The following ERG variants were observed in gnomAD, a reference collection of about 807,000 sequenced individuals.
ERG encodes the protein ETS transcription factor ERG.
In ERG, 9 loss-of-function variants were observed where a neutral mutation model predicts 55.3. The ratio of observed to expected loss-of-function variants is 0.16; its 90% CI spans 0.10 to 0.28. The LOEUF is 0.28. ERG is among the 10% of genes least tolerant of loss of function. The pLI is 1.00. For synonymous variants in ERG, 223 were observed against 237.3 expected (o/e 0.94, Z 0.55); for missense variants, 434 against 631.6 (o/e 0.69, Z 3.35).
intron 2 of ERG, among the ~76,000 whole-genome samples, chr21:38,552,977 A>G (rs1362721260): frequency 9.5e-6 from 1 of 105,802 alleles, no homozygotes; most frequent in Non-Finnish European, 2.4e-5. Context: ...GGATCTGAAA[A>G]ACAATTTCAC....
rs1004072779 is a variant in ERG, at chr21:38,403,547, T to C, written c.551A>G (p.Asn184Ser). ...DDFQRLTPSY[N>S]ADILLSHLHY... is the part of the protein sequence containing the mutation. ...GAGATGTGAGAGAAGGATGTCGGCG[T>C]TGTAGCTGGGGGTGAGCCTCTGGAA... is the stretch of plus-strand genomic sequence containing the variant. Residue 184 changes from asparagine to serine, a missense_variant, in exon 4 of 10, where the codon AAC (asparagine) becomes AGC (serine). Physicochemically the swap from Asn to Ser is conservative, Grantham distance 46 (BLOSUM62 1). This residue lies in a region of ERG where 212 missense variants were observed against 262.9 expected (regional missense o/e 0.81). Coordinates refer to ENST00000288319, the MANE Select transcript of ERG (RefSeq NM_182918.4). 15 of 1,614,074 alleles carry C rather than the reference T, an allele frequency of 9.3e-6. No individual in the cohort carries two copies. Among genetic ancestry groups the C allele is most frequent in the Non-Finnish European group, 1.3e-5 (15 of 1,180,046 alleles).
At chr21:38,656,876 G>C (rs996705515) in intron 1 of ERG, among the ~76,000 whole-genome samples, 1 of 152,028 alleles carries the variant, frequency 6.6e-6, no homozygotes. Context: ...CTATTTCCTA[G>C]AGAGACAGCT....
chr21:38,572,278 G>GA (rs1302543091), intron 2 of ERG, among the ~76,000 whole-genome samples: 14 of 148,158 alleles, frequency 9.4e-5, no homozygotes, highest in Non-Finnish European at 1.8e-4. Context: ...TGAGGCAGGA[G>GA]AATGGCGGGA....
chr21:38,394,295 G>A (rs1988105768), intron 6 of ERG, among the ~76,000 whole-genome samples: 2 of 152,038 alleles, frequency 1.3e-5, no homozygotes, highest in African/African-American at 4.8e-5. Context: ...CTGGTAGCTT[G>A]CTAGAAATGC....
intron 7 of ERG, 92 bp from the exon 8 acceptor site, chr21:38,391,807 T>C (rs1034886571): frequency 9.3e-7 from 1 of 1,075,434 alleles, no homozygotes; most frequent in East Asian, 2.4e-5. Flanking sequence ...TCAGTTAATT[T>C]AGTTATTAAC....
intron 2 of ERG, among the ~76,000 whole-genome samples, chr21:38,429,699 G>A (rs1287319556): frequency 8.1e-6 from 1 of 123,094 alleles, no homozygotes; most frequent in Non-Finnish European, 1.7e-5. Context: ...GTGTATACAT[G>A]TATATGTGTG....
intron 1 of ERG, among the ~76,000 whole-genome samples, chr21:38,660,994 G>A (rs1428895289): frequency 1.3e-5 from 2 of 152,040 alleles, no homozygotes; most frequent in East Asian, 1.9e-4. Flanking sequence ...GGCTCCGGGA[G>A]GAAGAGGAGG....
intron 1 of ERG, among the ~76,000 whole-genome samples, chr21:38,580,165 A>AG (rs1188715380): frequency 2.6e-5 from 4 of 151,024 alleles, no homozygotes; most frequent in African/African-American, 9.8e-5. Flanking sequence ...CGTGTCGGCC[A>AG]GATGGTCTCG....
chr21:38,472,930 G>A (rs1325322948), intron 1 of ERG, among the ~76,000 whole-genome samples: 2 of 152,168 alleles, frequency 1.3e-5, no homozygotes, highest in Admixed American at 6.5e-5. Flanking sequence ...GAGGAAATGA[G>A]TTTTGCAGCC....
Position 38,455,847 on chromosome 21 carries a change from T to A in ERG, c.19-10226A>T, listed in dbSNP as rs986589092. Among the ~76,000 whole-genome samples, 13 of 152,056 alleles carry A rather than the reference T, an allele frequency of 8.5e-5. No homozygotes were observed. The East Asian group carries it at 2.1e-3, about 25-fold the overall frequency. On this transcript the variant is annotated intron_variant, in intron 1 of 9. Coordinates refer to ENST00000288319, the MANE Select transcript of ERG (RefSeq NM_182918.4). Reference sequence around the variant, plus strand: ...GGTGGGGGTGTCAAAACAGCCTTAATTTTTTAAATAATTGGTACGGTCCCC... The same window carrying A: ...GGTGGGGGTGTCAAAACAGCCTTAAATTTTTAAATAATTGGTACGGTCCCC...
upstream of ERG, among the ~76,000 whole-genome samples, chr21:38,501,958 T>C (rs889942631): frequency 2.6e-5 from 4 of 152,252 alleles, no homozygotes; most frequent in Non-Finnish European, 5.9e-5. Flanking sequence ...CTTCCCATTT[T>C]CTAAAGATCG....
intron 1 of ERG, among the ~76,000 whole-genome samples, chr21:38,615,318 T>C (rs2060252034): frequency 6.6e-6 from 1 of 152,172 alleles, no homozygotes; most frequent in South Asian, 2.1e-4. Flanking sequence ...AGATGCGGAA[T>C]TACCTCACTG....
At chr21:38,625,754 T>C (rs924485503) in intron 1 of ERG, among the ~76,000 whole-genome samples, 133 of 152,100 alleles carry the variant, frequency 8.7e-4, no homozygotes, top group African/African-American at 3.2e-3. Context: ...GGTTCCAGGA[T>C]ACAACACCAG....
At chr21:38,585,935 T>A (rs1014472799), upstream of ERG, among the ~76,000 whole-genome samples, 2 of 150,348 alleles carry the variant, frequency 1.3e-5, no homozygotes, top group South Asian at 2.1e-4. Context: ...GTACATAATA[T>A]CATCCCAATA....
chr21:38,647,820 C>A (rs1440387860), intron 1 of ERG, among the ~76,000 whole-genome samples: 1 of 152,168 alleles, frequency 6.6e-6, no homozygotes, highest in African/African-American at 2.4e-5. Flanking sequence ...ATACACGTCA[C>A]CTCCTATTTT....
In ERG at chr21:38,381,425, T is replaced by C. The variant is rs998195724; in HGVS notation, c.*1978A>G. ...GGAAATAAACATTGTCTTCAAGGGA[T>C]AGCCAGCAACATCAGGCTCAGGGCT... On this transcript the variant is annotated 3_prime_UTR_variant, in exon 10 of 10. Coordinates refer to ENST00000288319, the MANE Select transcript of ERG (RefSeq NM_182918.4). The C allele has an allele frequency of 2.8e-6, 3 of 1,062,600 alleles. No individual in the cohort carries two copies. The highest frequency in any genetic ancestry group is 3.3e-5 in the African/African-American group (2 of 60,938). The allele number at this position is 1,062,600 out of a possible 1,614,324, so 65.8% of individuals were successfully genotyped here. A position where few individuals can be genotyped will look rare whatever the true frequency, so the allele number is the denominator to read the frequency against.
chr21:38,566,400 A>AG (rs1324949134), intron 2 of ERG, among the ~76,000 whole-genome samples: 1 of 152,162 alleles, frequency 6.6e-6, no homozygotes, highest in African/African-American at 2.4e-5. Flanking sequence ...CTCAACCCCC[A>AG]ATTGCACAGA....
chr21:38,598,359 C>CAGGCAGCGA (rs1388414005), intron 1 of ERG, among the ~76,000 whole-genome samples: 1 of 152,190 alleles, frequency 6.6e-6, no homozygotes, highest in Non-Finnish European at 1.5e-5. Flanking sequence ...CATGGAAGCG[C>CAGGCAGCGA]AGGCAGCAGA....
chr21:38,590,429 C>T (rs1017441042), intron 1 of ERG, among the ~76,000 whole-genome samples: 2 of 152,060 alleles, frequency 1.3e-5, no homozygotes, highest in African/African-American at 4.8e-5. Flanking sequence ...ACCTGTATGT[C>T]CCACAAGGCA....
Sources: gnomAD v4.1 joint callset for allele counts (sites outside exome capture counted in the v4.1 genomes callset) on GRCh38, gnomAD v4.1.1 for gene constraint, gnomAD v4.1.1 regional missense constraint, MANE v1.5 for transcripts, NCBI Gene and HGNC (gene_info 2026-07-23, HGNC 2026-07-21) for gene names.